The following XKR4 variants were observed in gnomAD, a reference collection of about 807,000 sequenced individuals.
The protein encoded by XKR4 is XK related 4, also known as XK-related protein 4.
Under a neutral mutation model 53.9 loss-of-function variants are expected in XKR4, and 12 were observed. That is an observed-to-expected ratio of 0.22 (90% CI 0.14 to 0.36). The LOEUF (loss-of-function observed/expected upper bound fraction) is 0.36. Ranked by LOEUF, XKR4 falls within the 10% of genes least tolerant of loss-of-function variation. XKR4 has a pLI of 1.00. For missense variants in XKR4, 799 were observed against 859.5 expected, an observed-to-expected ratio of 0.93 and a Z score of 0.88; for synonymous variants, 354 against 362.4, an observed-to-expected ratio of 0.98 and a Z score of 0.26.
At chr8:55,148,647 C>T (rs915280014) in intron 1 of XKR4, among the ~76,000 whole-genome samples, 6 of 152,102 alleles carry the variant, frequency 3.9e-5, no homozygotes, top group South Asian at 4.2e-4. Context: ...ATATTTTATC[C>T]GATTTAATTA....
intron 1 of XKR4, among the ~76,000 whole-genome samples, chr8:55,233,977 T>C (rs918673616): frequency 2.6e-5 from 4 of 152,194 alleles, no homozygotes; most frequent in African/African-American, 9.7e-5. Context: ...AATACATGTG[T>C]CAGAGCCAGA....
At chr8:55,470,360 G>C (rs911257460) in intron 2 of XKR4, among the ~76,000 whole-genome samples, 1 of 152,104 alleles carries the variant, frequency 6.6e-6, no homozygotes, top group Admixed American at 6.5e-5. Context: ...GGAGATAAAT[G>C]AATCATGGGA....
intron 1 of XKR4, among the ~76,000 whole-genome samples, chr8:55,261,017 A>G (rs1563495686): frequency 6.6e-6 from 1 of 152,178 alleles, no homozygotes; most frequent in Non-Finnish European, 1.5e-5. Context: ...GCAAAACTTT[A>G]TCAAGGACTT....
chr8:55,433,893 C>T (rs367660004), intron 2 of XKR4, among the ~76,000 whole-genome samples: 3 of 152,048 alleles, frequency 2.0e-5, no homozygotes, highest in East Asian at 1.9e-4. Flanking sequence ...ATTAACTGGG[C>T]GTGGCACACA....
intron 2 of XKR4, among the ~76,000 whole-genome samples, chr8:55,522,996 G>A (rs755595556): frequency 2.6e-5 from 4 of 152,066 alleles, no homozygotes; most frequent in Non-Finnish European, 5.9e-5. Context: ...TAAAAAATTA[G>A]CCAGGCATGG....
At chr8:55,164,741 T>G (rs1817041426) in intron 1 of XKR4, 2 of 249,628 alleles carry the variant, frequency 8.0e-6, no homozygotes, top group African/African-American at 4.5e-5. Flanking sequence ...ATTGTTTTCT[T>G]ATTTTATGTT....
intron 1 of XKR4, among the ~76,000 whole-genome samples, chr8:55,301,877 C>T (rs1209543187): frequency 5.9e-5 from 9 of 151,964 alleles, no homozygotes; most frequent in East Asian, 1.9e-4. Flanking sequence ...TTGAGTTCAT[C>T]GTAGATTCTG....
chr8:55,170,174 G>A (rs1817137809), intron 1 of XKR4, among the ~76,000 whole-genome samples: 2 of 152,168 alleles, frequency 1.3e-5, no homozygotes, highest in South Asian at 4.1e-4. Context: ...AAGAGAGTGT[G>A]ATGGGCAGAA....
At chr8:55,511,946 G>T (rs980495646) in intron 2 of XKR4, among the ~76,000 whole-genome samples, 1 of 152,210 alleles carries the variant, frequency 6.6e-6, no homozygotes, top group East Asian at 1.9e-4. Flanking sequence ...TGCTCCAGAG[G>T]GGGAGTGGAG....
chr8:55,321,921 G>A (rs557839330), intron 1 of XKR4, among the ~76,000 whole-genome samples: 37 of 152,238 alleles, frequency 2.4e-4, no homozygotes, highest in Non-Finnish European at 4.0e-4. Context: ...CACAGGAGGC[G>A]GAGGTTGCAG....
chr8:55,361,054 A>C (rs563029186), intron 2 of XKR4, among the ~76,000 whole-genome samples: 1 of 152,180 alleles, frequency 6.6e-6, no homozygotes, highest in Non-Finnish European at 1.5e-5. Context: ...GTCACATTGG[A>C]CATATTACAG....
At chr8:55,420,452 A>G (rs1173838932) in intron 2 of XKR4, among the ~76,000 whole-genome samples, 3 of 148,194 alleles carry the variant, frequency 2.0e-5, no homozygotes, top group Non-Finnish European at 4.4e-5. Flanking sequence ...AATACTATGC[A>G]GCCATAAAAA....
intron 2 of XKR4, among the ~76,000 whole-genome samples, chr8:55,443,147 A>G (rs922256548): frequency 2.6e-5 from 4 of 152,226 alleles, no homozygotes; most frequent in African/African-American, 9.6e-5. Context: ...TAACACTGAT[A>G]TATAAAACAG....
chr8:55,508,401 T>C (rs928298354), intron 2 of XKR4, among the ~76,000 whole-genome samples: 1 of 152,198 alleles, frequency 6.6e-6, no homozygotes, highest in Non-Finnish European at 1.5e-5. Flanking sequence ...CAAATAATTA[T>C]CAATTGTGCT....
chr8:55,213,218 T>C (rs1817753008), intron 1 of XKR4, among the ~76,000 whole-genome samples: 1 of 152,144 alleles, frequency 6.6e-6, no homozygotes, highest in Non-Finnish European at 1.5e-5. Context: ...ACAAAATCAG[T>C]CTCCCTGAAA....
intron 2 of XKR4, among the ~76,000 whole-genome samples, chr8:55,449,196 A>T (rs774410857): frequency 2.0e-5 from 3 of 147,036 alleles, no homozygotes; most frequent in Non-Finnish European, 3.0e-5. Flanking sequence ...TTTTGCATTC[A>T]TTCTCTCTTT....
intron 1 of XKR4, among the ~76,000 whole-genome samples, chr8:55,110,567 G>A (rs567180987): frequency 6.6e-6 from 1 of 152,272 alleles, no homozygotes; most frequent in East Asian, 1.9e-4. Flanking sequence ...GGGAAGGATA[G>A]GAAAAATTAC....
intron 2 of XKR4, among the ~76,000 whole-genome samples, chr8:55,498,770 G>A (rs1292760789): frequency 6.6e-6 from 1 of 152,014 alleles, no homozygotes; most frequent in African/African-American, 2.4e-5. Context: ...GAGACCCTGA[G>A]AGAGACAGAG....
At chr8:55,332,410 CT>C (rs1803395097) in intron 1 of XKR4, among the ~76,000 whole-genome samples, 1 of 152,036 alleles carries the variant, frequency 6.6e-6, no homozygotes, top group African/African-American at 2.4e-5. Context: ...ATGCTTTCAT[CT>C]GGCATCAAGT....
Sources: gnomAD v4.1 joint callset for allele counts (sites outside exome capture counted in the v4.1 genomes callset) on GRCh38, gnomAD v4.1.1 for gene constraint, MANE v1.5 for transcripts, NCBI Gene and HGNC (gene_info 2026-07-23, HGNC 2026-07-21) for gene names.